DNAH14: variants seen among roughly 807,000 people sequenced by gnomAD.
DNAH14 encodes the protein dynein axonemal heavy chain 14.
In DNAH14, 478 loss-of-function variants were observed where a neutral mutation model predicts 520.9. The ratio of observed to expected loss-of-function variants is 0.92; its 90% confidence interval spans 0.85 to 0.99. The LOEUF is 0.99. DNAH14 is among the 50% of genes least tolerant of loss of function. The pLI is 0.00. For missense variants in DNAH14, 4,831 were observed against 5,234.5 expected (o/e 0.92, Z 2.38); for synonymous variants, 1,581 against 1,757.2 (o/e 0.90, Z 2.51).
chr1:225,351,764 T>C lies in DNAH14; in HGVS notation c.11414T>C (p.Leu3805Ser). The stretch of plus-strand genomic sequence containing the variant: ...TTTTCACTTCTGTGCAAATCCCTTT[T>C]ATCAAACGTATCACAATGGGATACT... Reference protein sequence around the residue: ...EPFSLLCKSLLSNVSQWDTFK... With the variant: ...EPFSLLCKSLSSNVSQWDTFK... The change falls in exon 72 of 86, where the codon TTA becomes TCA. Residue 3805 changes from leucine to serine, a missense_variant. By Grantham distance (145) the Leu-to-Ser change is moderately radical. Coordinates refer to ENST00000682510, the MANE Select transcript of DNAH14 (RefSeq NM_001367479.1). The C allele has an allele frequency of 6.4e-7, 1 of 1,551,358 alleles. No homozygotes were observed. Among genetic ancestry groups the C allele is most frequent in the South Asian group, 1.2e-5 (1 of 84,060 alleles).
intron 17 of DNAH14, among the ~76,000 whole-genome samples, chr1:225,073,597 G>A (rs1214065410): frequency 6.6e-6 from 1 of 152,236 alleles, no homozygotes; most frequent in Non-Finnish European, 1.5e-5. Flanking sequence ...AAAGATGGCG[G>A]CCCGCTCCTC....
At chr1:225,183,263 C>A (rs1162617891) in intron 36 of DNAH14, among the ~76,000 whole-genome samples, 5 of 152,322 alleles carry the variant, frequency 3.3e-5, no homozygotes, top group African/African-American at 1.2e-4. Context: ...TGGCCAGCAT[C>A]ATTACTGGCT....
Position 225,097,785 on chromosome 1 carries a change from G to A in DNAH14, c.3695+546G>A, listed in dbSNP as rs1485413329. On this transcript the variant is annotated intron_variant, in intron 22 of 85. Transcript: ENST00000682510. Reference sequence around the variant, plus strand: ...CGAGACTCTGTATAAAAAAAAAAAAGTGTCAGATACATCATTATAATCCCA... The same window carrying A: ...CGAGACTCTGTATAAAAAAAAAAAAATGTCAGATACATCATTATAATCCCA... Among the ~76,000 whole-genome samples the A allele has an allele frequency of 4.6e-5, 7 of 151,816 alleles. No homozygotes were observed. The South Asian group carries it at 6.3e-4, about 14-fold the overall frequency.
At chr1:225,254,602 T>C (rs1271700531) in intron 44 of DNAH14, among the ~76,000 whole-genome samples, 1 of 152,190 alleles carries the variant, frequency 6.6e-6, no homozygotes, top group East Asian at 1.9e-4. Context: ...TGAATTTAGA[T>C]AAAAGTTAAC....
intron 37 of DNAH14, among the ~76,000 whole-genome samples, chr1:225,188,906 T>C (rs916865582): frequency 1.3e-5 from 2 of 151,948 alleles, no homozygotes; most frequent in South Asian, 4.1e-4. Context: ...ATCATTAAAT[T>C]TATTCCTAGG....
intron 37 of DNAH14, among the ~76,000 whole-genome samples, chr1:225,187,020 T>C (rs950302801): frequency 2.6e-5 from 4 of 151,802 alleles, no homozygotes; most frequent in African/African-American, 9.7e-5. Flanking sequence ...TTACCTTCTT[T>C]CCTTATCTTT....
At chr1:225,312,131 G>A (rs1481980338) in intron 60 of DNAH14, among the ~76,000 whole-genome samples, 3 of 152,070 alleles carry the variant, frequency 2.0e-5, no homozygotes, top group Non-Finnish European at 4.4e-5. Context: ...TTGAGCTGTG[G>A]TTAGTAGTCC....
rs758206382 is a variant in DNAH14 at position 225,277,444 on chromosome 1, T to C, written c.8213T>C (p.Ile2738Thr). The C allele has an allele frequency of 8.5e-6, 4 of 470,924 alleles. No individual in the cohort carries two copies. The highest frequency in any genetic ancestry group is 4.7e-5 in the South Asian group (3 of 64,488). The allele number at this position is 470,924 out of a possible 1,614,324, so 29.2% of individuals were successfully genotyped here. A position where few individuals can be genotyped will look rare whatever the true frequency, so the allele number is the denominator to read the frequency against. ...SHSMVFFKEA[I>T]EHIIRATRVL... ...TCCATGGTGTTCTTCAAGGAAGCCA[T>C]AGAACACATCATAAGAGCAACAAGG... Residue 2738 changes from isoleucine (I) to threonine (T), a missense_variant, in exon 54 of 86, where the codon ATA (isoleucine) becomes ACA (threonine). By Grantham distance (89) the Ile-to-Thr change is moderately conservative. Transcript: ENST00000682510.
chr1:225,199,106 C>G (rs2086501631), intron 38 of DNAH14, among the ~76,000 whole-genome samples: 1 of 152,128 alleles, frequency 6.6e-6, no homozygotes, highest in Non-Finnish European at 1.5e-5. Context: ...TCCATCTCCT[C>G]TAGGTTTTCT....
intron 54 of DNAH14, among the ~76,000 whole-genome samples, chr1:225,286,247 C>A (rs926359941): frequency 6.6e-6 from 1 of 152,066 alleles, no homozygotes; most frequent in African/African-American, 2.4e-5. Flanking sequence ...GCACTGTAGG[C>A]TGAATATGGT....
chr1:225,261,429 G>T (rs1194613913), intron 46 of DNAH14, among the ~76,000 whole-genome samples: 1 of 152,002 alleles, frequency 6.6e-6, no homozygotes, highest in East Asian at 1.9e-4. Flanking sequence ...GTTAATATGG[G>T]ATATCACATT....
intron 41 of DNAH14, among the ~76,000 whole-genome samples, chr1:225,230,411 A>G (rs1445428964): frequency 6.6e-6 from 1 of 152,208 alleles, no homozygotes; most frequent in Non-Finnish European, 1.5e-5. Context: ...AAATGCATCA[A>G]CATATTACTA....
At chr1:225,023,143 G>C (rs1288832127) in intron 10 of DNAH14, among the ~76,000 whole-genome samples, 1 of 152,028 alleles carries the variant, frequency 6.6e-6, no homozygotes, top group Non-Finnish European at 1.5e-5. Flanking sequence ...TGTTGACTAT[G>C]CTCACTACCC....
At chr1:225,335,641 ATATG>A (rs1169288790) in intron 66 of DNAH14, among the ~76,000 whole-genome samples, 1 of 137,914 alleles carries the variant, frequency 7.3e-6, no homozygotes, top group Non-Finnish European at 1.6e-5. Context: ...ATATGTGCAT[ATATG>A]TATATACGCA....
intron 11 of DNAH14, among the ~76,000 whole-genome samples, chr1:225,027,238 T>G (rs2066185216): frequency 6.6e-6 from 1 of 152,164 alleles, no homozygotes; most frequent in Admixed American, 6.6e-5. Context: ...CTGATACCTT[T>G]TATTTCTTTT....
chr1:225,305,062 C>G lies in DNAH14; in HGVS notation c.8978C>G (p.Ala2993Gly), dbSNP rs1234488175. The change falls in exon 58 of 86, where the codon GCA (alanine) becomes GGA (glycine). Residue 2993 changes from alanine (A) to glycine (G), a missense_variant. By Grantham distance (60) the Ala-to-Gly change is moderately conservative. Coordinates refer to ENST00000682510, the MANE Select transcript of DNAH14 (RefSeq NM_001367479.1). The stretch of plus-strand genomic sequence containing the variant: ...GAAACATTTGCACACATTTTGAGGG[C>G]ACGAGAGGAAGAGATGCAAACAAAG... ...FMETFAHILR[A>G]REEEMQTKRD... The G allele has an allele frequency of 1.3e-6, 2 of 1,537,444 alleles. No homozygotes were observed. Among genetic ancestry groups the G allele is most frequent in the Non-Finnish European group, 1.7e-6 (2 of 1,143,876 alleles).
intron 7 of DNAH14, among the ~76,000 whole-genome samples, chr1:224,971,845 A>G (rs2061519497): frequency 6.6e-6 from 1 of 152,232 alleles, no homozygotes; most frequent in South Asian, 2.1e-4. Context: ...TGTAGTGTAG[A>G]TGACTGAGTA....
chr1:225,128,879 C>G (rs1186064892), intron 27 of DNAH14, among the ~76,000 whole-genome samples: 1 of 150,330 alleles, frequency 6.7e-6, no homozygotes, highest in Non-Finnish European at 1.5e-5. Context: ...GTCAAATTGT[C>G]CCTGTTTGCA....
chr1:224,997,419 C>G (rs565478259), intron 8 of DNAH14, among the ~76,000 whole-genome samples: 1 of 152,024 alleles, frequency 6.6e-6, no homozygotes, highest in African/African-American at 2.4e-5. Context: ...TCTTATCCTT[C>G]AAAGGCAGGT....
Sources: allele counts gnomAD v4.1 joint callset (sites outside exome capture counted in the v4.1 genomes callset), GRCh38; gene constraint gnomAD v4.1.1; transcripts MANE v1.5; gene names NCBI Gene and HGNC (gene_info 2026-07-23, HGNC 2026-07-21).